The following RBFOX1 variants were observed in gnomAD, a reference collection of about 807,000 sequenced individuals.
The protein encoded by RBFOX1 is RNA binding fox-1 homolog 1.
In RBFOX1, 8 loss-of-function variants were observed where a neutral mutation model predicts 57.7. The ratio of observed to expected loss-of-function variants is 0.14; its 90% CI spans 0.08 to 0.25. The LOEUF is 0.25. Among genes scored for constraint, RBFOX1 ranks in the 10% least tolerant of loss-of-function variants. The pLI is 1.00. For missense variants in RBFOX1, 611 were observed against 548.5 expected (o/e 1.11, Z -1.14); for synonymous variants, 326 against 222.4 (o/e 1.47, Z -4.15).
intron 2 of RBFOX1, among the ~76,000 whole-genome samples, chr16:6,516,851 A>T (rs1197770080): frequency 1.3e-5 from 2 of 152,160 alleles, no homozygotes; most frequent in African/African-American, 4.8e-5. Flanking sequence ...GAGGATGGGC[A>T]TACAGTGGGG....
intron 5 of RBFOX1, among the ~76,000 whole-genome samples, chr16:7,530,052 G>T (rs1463053670): frequency 6.7e-6 from 1 of 149,688 alleles, no homozygotes; most frequent in Non-Finnish European, 1.5e-5. Flanking sequence ...AACCCTTTAA[G>T]GGAGACTGTA....
At chr16:6,581,075 C>T (rs1245707044) in intron 2 of RBFOX1, among the ~76,000 whole-genome samples, 1 of 152,150 alleles carries the variant, frequency 6.6e-6, no homozygotes, top group Non-Finnish European at 1.5e-5. Flanking sequence ...TTTCCCTTCT[C>T]CTTTTTCCAT....
In RBFOX1 at chr16:7,060,005, G is replaced by A. The variant is rs142102098; in HGVS notation, c.27+7907G>A. On this transcript the variant is annotated intron_variant, in intron 4 of 15. Coordinates refer to ENST00000550418, the MANE Select transcript of RBFOX1 (RefSeq NM_018723.4). The stretch of plus-strand genomic sequence containing the variant: ...GACTGTAAAATATTAGTGGAAAAAA[G>A]CCCTCAGAAATGTGGAAAGATTCTG... Among the ~76,000 whole-genome samples the A allele has an allele frequency of 2.9e-3, 440 of 152,238 alleles. 2 individuals are homozygous for A. Among genetic ancestry groups the A allele is most frequent in the African/African-American group, 9.9e-3 (411 of 41,530 alleles).
intron 3 of RBFOX1, among the ~76,000 whole-genome samples, chr16:5,803,312 T>A (rs1322405941): frequency 1.3e-5 from 2 of 152,198 alleles, no homozygotes; most frequent in Admixed American, 1.3e-4. Context: ...TACTATTTTA[T>A]GGTCCTCTTT....
At chr16:5,954,672 AC>A (rs1382042836) in intron 4 of RBFOX1, among the ~76,000 whole-genome samples, 1 of 151,698 alleles carries the variant, frequency 6.6e-6, no homozygotes, top group Non-Finnish European at 1.5e-5. Flanking sequence ...GTCAGTAATC[AC>A]CCCTTAACTC....
At chr16:6,208,908 C>G (rs867665306) in intron 1 of RBFOX1, among the ~76,000 whole-genome samples, 29 of 152,170 alleles carry the variant, frequency 1.9e-4, no homozygotes, top group African/African-American at 6.3e-4. Context: ...GGCTAAGTAT[C>G]TGTTTATCTT....
At chr16:6,103,494 A>C (rs552722554) in intron 1 of RBFOX1, among the ~76,000 whole-genome samples, 1 of 152,144 alleles carries the variant, frequency 6.6e-6, no homozygotes, top group South Asian at 2.1e-4. Context: ...ACATCCCCCA[A>C]CTTTTCAGGT....
At chr16:6,935,708 G>A (rs1012276391) in intron 3 of RBFOX1, among the ~76,000 whole-genome samples, 1 of 152,192 alleles carries the variant, frequency 6.6e-6, no homozygotes, top group East Asian at 1.9e-4. Flanking sequence ...TTGAGAATCA[G>A]TGTGGCAGCT....
At chr16:6,923,722 G>A (rs1329669698) in intron 3 of RBFOX1, among the ~76,000 whole-genome samples, 3 of 152,038 alleles carry the variant, frequency 2.0e-5, no homozygotes, top group Non-Finnish European at 4.4e-5. Flanking sequence ...GCAGTAGAAG[G>A]CCAGCAAAGT....
chr16:5,964,654 C>T (rs2059810142), intron 4 of RBFOX1, among the ~76,000 whole-genome samples: 1 of 151,774 alleles, frequency 6.6e-6, no homozygotes, highest in Non-Finnish European at 1.5e-5. Context: ...CACATATATA[C>T]ATACAGTGAC....
At chr16:6,481,688 C>G (rs960402135) in intron 2 of RBFOX1, among the ~76,000 whole-genome samples, 3 of 152,156 alleles carry the variant, frequency 2.0e-5, no homozygotes, top group Non-Finnish European at 4.4e-5. Context: ...GGGGATCATA[C>G]AAGATAACAT....
At chr16:5,538,321 T>C (rs1339502154) in intron 2 of RBFOX1, among the ~76,000 whole-genome samples, 1 of 152,188 alleles carries the variant, frequency 6.6e-6, no homozygotes, top group Non-Finnish European at 1.5e-5. Flanking sequence ...GAAAATAGCA[T>C]CCACCAAAAG....
At chr16:5,454,928 T>TTTCC (rs2068563836) in intron 1 of RBFOX1, among the ~76,000 whole-genome samples, 1 of 42,908 alleles carries the variant, frequency 2.3e-5, no homozygotes, top group Non-Finnish European at 4.7e-5. Flanking sequence ...TGTTTCTTTC[T>TTTCC]TCCTTCCTTC....
chr16:5,611,506 C>A (rs1596449911), intron 3 of RBFOX1: 1 of 152,338 alleles, frequency 6.6e-6, no homozygotes, highest in East Asian at 1.9e-4. Context: ...CCTACACTGG[C>A]TTTTCTCTTC....
At chr16:5,880,476 C>G (rs1221372136) in intron 4 of RBFOX1, among the ~76,000 whole-genome samples, 1 of 152,216 alleles carries the variant, frequency 6.6e-6, no homozygotes, top group Non-Finnish European at 1.5e-5. Flanking sequence ...TTTCAGCCAG[C>G]AGATCCATAT....
At chr16:5,817,218 C>G (rs969337521) in intron 3 of RBFOX1, among the ~76,000 whole-genome samples, 1 of 152,008 alleles carries the variant, frequency 6.6e-6, no homozygotes, top group Admixed American at 6.6e-5. Context: ...GTGTGCACTT[C>G]TAGGAGCAGC....
At chr16:7,671,666 A>G in intron 13 of RBFOX1, 2 of 1,407,390 alleles carry the variant, frequency 1.4e-6, no homozygotes, top group Non-Finnish European at 2.0e-6. Context: ...AATCCTTACT[A>G]ACAAGATAAT....
intron 4 of RBFOX1, among the ~76,000 whole-genome samples, chr16:5,873,700 C>G (rs1001807912): frequency 6.6e-6 from 1 of 152,152 alleles, no homozygotes; most frequent in Non-Finnish European, 1.5e-5. Flanking sequence ...TTTCACTTGT[C>G]TCATGAGGAC....
intron 2 of RBFOX1, among the ~76,000 whole-genome samples, chr16:6,591,538 T>A (rs962812153): frequency 8.5e-5 from 13 of 152,182 alleles, no homozygotes; most frequent in African/African-American, 3.1e-4. Flanking sequence ...GACCCCTGCC[T>A]GAGTTCCTGG....
Sources: gnomAD v4.1 joint callset for allele counts (sites outside exome capture counted in the v4.1 genomes callset) on GRCh38, gnomAD v4.1.1 for gene constraint, MANE v1.5 for transcripts, NCBI Gene and HGNC (gene_info 2026-07-23, HGNC 2026-07-21) for gene names.